The following TEPSIN variants were observed in gnomAD, a reference collection of about 807,000 sequenced individuals.
TEPSIN encodes TEPSIN adaptor related protein complex 4 accessory protein.
Under a neutral mutation model 48.5 loss-of-function variants are expected in TEPSIN, and 50 were observed. That is an observed-to-expected ratio of 1.03 (90% confidence interval 0.82 to 1.31). The LOEUF (loss-of-function observed/expected upper bound fraction) is 1.31, where lower values mean the gene tolerates loss of function less well. Ranked by LOEUF, TEPSIN falls within the 50% of genes most tolerant of loss-of-function variation. The pLI, the probability that TEPSIN is intolerant of heterozygous loss-of-function variation, is 0.00. For missense variants in TEPSIN, 838 were observed against 815.9 expected (o/e 1.03, Z -0.33); for synonymous variants, 392 against 358.8 (o/e 1.09, Z -1.05).
Position 81,230,765 on chromosome 17 carries a change from T to TTCC in TEPSIN, c.1099-90_1099-88dup, listed in dbSNP as rs1203636461. 69 of 1,425,182 alleles carry TTCC rather than the reference T, an allele frequency of 4.8e-5. No homozygotes were observed. The highest frequency in any genetic ancestry group is 6.3e-5 in the Non-Finnish European group (68 of 1,083,516). 88.3% of individuals were successfully genotyped at this position (1,425,182 alleles called of 1,614,324 possible). A position where few individuals can be genotyped will look rare whatever the true frequency, so the allele number is the denominator to read the frequency against. ...TATTTGGCCATCTCTCTCCCTCTTC[T>TTCC]TCCTCCTCATCAATGACTGGAGTGC... On this transcript the variant is annotated intron_variant, in intron 11 of 12. Coordinates refer to ENST00000637944, the MANE Select transcript of TEPSIN (RefSeq NM_001363764.2). This position sits in a 1 kb window ranked among gnomAD's most constrained non-coding sequence, Gnocchi z 4.2.
In TEPSIN at chr17:81,230,814, A is replaced by C; in HGVS notation, c.1099-136T>G. The C allele has an allele frequency of 8.6e-7, 1 of 1,168,530 alleles. No homozygotes were observed. The highest frequency in any genetic ancestry group is 1.2e-6 in the Non-Finnish European group (1 of 861,966). The allele number at this position is 1,168,530 out of a possible 1,614,324, so 72.4% of individuals were successfully genotyped here. On this transcript the variant is annotated intron_variant, in intron 11 of 12. Coordinates refer to ENST00000637944, the MANE Select transcript of TEPSIN (RefSeq NM_001363764.2). This position sits in a 1 kb window ranked among gnomAD's most constrained non-coding sequence, Gnocchi z 4.2. ...GCCAGGAGGCCCCAGAGACAGCTCC[A>C]CCACAGCCCTGTCCTCACCGCCTTA...
At chr17:81,236,840 A>T (rs1204876777) in intron 3 of TEPSIN, 39 bp from the exon 4 acceptor site, 1 of 1,548,916 alleles carries the variant, frequency 6.5e-7, no homozygotes, top group African/African-American at 1.4e-5. Context: ...GGCAGGCCGG[A>T]CACGGGACAC....
intron 11 of TEPSIN, chr17:81,231,080 C>G (rs2062590663): frequency 2.1e-6 from 1 of 471,138 alleles, no homozygotes; most frequent in African/African-American, 2.0e-5. Context: ...CATGTGCATG[C>G]ACACACACAC....
intron 11 of TEPSIN, chr17:81,231,068 T>G: frequency 2.1e-6 from 1 of 478,062 alleles, no homozygotes; most frequent in East Asian, 3.7e-5. Flanking sequence ...TGTCCACACT[T>G]TCATGTGCAT....
In TEPSIN at chr17:81,230,889, C is replaced by T. The variant is rs79143194; in HGVS notation, c.1099-211G>A. 130 of 557,926 alleles carry T rather than the reference C, an allele frequency of 2.3e-4. No homozygotes were observed. In the African/African-American group the frequency reaches 2.7e-3, roughly 12 times the overall value. 34.6% of individuals were successfully genotyped at this position (557,926 alleles called of 1,614,324 possible). ...CCCTGTCCTCACCACCTTACACCCCCGCTCCCAGACACCAGAGCCCTGTCT... is the reference window on the plus strand; with the variant it reads ...CCCTGTCCTCACCACCTTACACCCCTGCTCCCAGACACCAGAGCCCTGTCT... On this transcript the variant is annotated intron_variant, in intron 11 of 12. Coordinates refer to ENST00000637944, the MANE Select transcript of TEPSIN (RefSeq NM_001363764.2). This position sits in a 1 kb window ranked among gnomAD's most constrained non-coding sequence, Gnocchi z 4.2.
chr17:81,231,793 G>A, intron 9 of TEPSIN, 54 bp downstream of exon 9: 1 of 1,607,180 alleles, frequency 6.2e-7, no homozygotes, highest in Admixed American at 1.7e-5. Flanking sequence ...GCTGGGAGGG[G>A]GACAGTGTGG....
chr17:81,231,549 C>A, intron 10 of TEPSIN, 29 bp downstream of exon 10: 1 of 1,602,654 alleles, frequency 6.2e-7, no homozygotes, highest in Non-Finnish European at 8.5e-7. Flanking sequence ...GGGGCTGAGG[C>A]AGAGCAGGGC....
chr17:81,228,969 G>C lies in TEPSIN; in HGVS notation c.1741C>G (p.Pro581Ala). Reference protein sequence around the residue: ...SSQRTAAKEPPGSEPSAFAFL... With the variant: ...SSQRTAAKEPAGSEPSAFAFL... ...GCGAAAGCTGACGGCTCTGAGCCAGGAGGCTCTTTGGCTGCTGTCCTCTGG... is the reference window on the plus strand; with the variant it reads ...GCGAAAGCTGACGGCTCTGAGCCAGCAGGCTCTTTGGCTGCTGTCCTCTGG... Residue 581 changes from proline (P) to alanine (A), a missense_variant, in exon 13 of 13, where the codon CCT becomes GCT. Coordinates refer to ENST00000637944, the MANE Select transcript of TEPSIN (RefSeq NM_001363764.2). 1 of 1,613,862 alleles carries C rather than the reference G, an allele frequency of 6.2e-7. No homozygotes were observed. Among genetic ancestry groups the C allele is most frequent in the Non-Finnish European group, 8.5e-7 (1 of 1,180,018 alleles).
At position 81,232,054 on chromosome 17, in the gene TEPSIN, G is replaced by A. The variant is rs755075972; in HGVS notation, c.731-33C>T. ...AAACAGGACAGCCGGTGAGATCCCT[G>A]GGGCTTCAGGCCAGCCCCATGCCCA... On this transcript the variant is annotated intron_variant, in intron 8 of 12. Transcript: ENST00000637944. 1.5e-5 allele frequency: 24 copies of A among 1,593,456 alleles called. 1 individual carries two copies. The South Asian group carries it at 2.2e-4, about 15-fold the overall frequency.
At chr17:81,232,160 G>C in intron 8 of TEPSIN, 139 bp from the exon 9 acceptor site, 3 of 1,318,730 alleles carry the variant, frequency 2.3e-6, no homozygotes, top group Non-Finnish European at 3.0e-6. Flanking sequence ...TCCAGCTTCA[G>C]CAAACACCAG....
chr17:81,230,756 T>C lies in TEPSIN; in HGVS notation c.1099-78A>G. 3 of 1,433,634 alleles carry C rather than the reference T, an allele frequency of 2.1e-6. No individual in the cohort carries two copies. The highest frequency in any genetic ancestry group is 2.8e-6 in the Non-Finnish European group (3 of 1,088,552). The allele number at this position is 1,433,634 out of a possible 1,614,324, so 88.8% of individuals were successfully genotyped here. On this transcript the variant is annotated intron_variant, in intron 11 of 12. Transcript: ENST00000637944. This position sits in a 1 kb window ranked among gnomAD's most constrained non-coding sequence, Gnocchi z 4.2. ...AGGGAGGCCTATTTGGCCATCTCTC[T>C]CCCTCTTCTTCCTCCTCATCAATGA...
chr17:81,233,890 C>CTTTG lies in TEPSIN; in HGVS notation c.375+90_375+91insCAAA. ...GAGGCAGGGGTCCCGGATGGGAGAA[C>CTTTG]TGCAAACCCCCCAGCTGACATCCTG... is the stretch of plus-strand genomic sequence containing the variant. On this transcript the variant is annotated intron_variant, in intron 5 of 12. Coordinates refer to ENST00000637944, the MANE Select transcript of TEPSIN (RefSeq NM_001363764.2). This position sits in a 1 kb window ranked among gnomAD's most constrained non-coding sequence, Gnocchi z 5.8. The CTTTG allele has an allele frequency of 6.9e-7, 1 of 1,449,448 alleles. No individual in the cohort carries two copies. Among genetic ancestry groups the CTTTG allele is most frequent in the East Asian group, 2.5e-5 (1 of 40,638 alleles). 89.8% of individuals were successfully genotyped at this position (1,449,448 alleles called of 1,614,324 possible). A position where few individuals can be genotyped will look rare whatever the true frequency, so the allele number is the denominator to read the frequency against.
intron 4 of TEPSIN, among the ~76,000 whole-genome samples, chr17:81,236,112 C>T (rs1752589373): frequency 6.6e-6 from 1 of 152,226 alleles, no homozygotes; most frequent in Admixed American, 6.5e-5. Context: ...CAGGCCAAGC[C>T]CCCACAAGTC....
chr17:81,232,167 C>T, intron 8 of TEPSIN, 146 bp from the exon 9 acceptor site: 1 of 1,318,158 alleles, frequency 7.6e-7, no homozygotes, highest in South Asian at 1.5e-5. Flanking sequence ...TCAGCAAACA[C>T]CAGCCCCATG....
chr17:81,231,139 ACAG>A (rs745881260), intron 11 of TEPSIN: 140 of 566,696 alleles, frequency 2.5e-4, no homozygotes, highest in African/African-American at 4.3e-4. Flanking sequence ...ACACACACAC[ACAG>A]ATGTGTGCAT....
chr17:81,229,256 G>GGGGGGAAGGGGGGGGGGC lies in TEPSIN; in HGVS notation c.1453_1454insGCCCCCCCCCCTTCCCCC (p.Thr485delinsSerProProProPheProPro). On this transcript the variant is annotated protein_altering_variant, in exon 13 of 13. Transcript: ENST00000637944. ...AATGGGGGAGGCATCTGGGGGTGGG[G>GGGGGGAAGGGGGGGGGGC]TGGGCACAGGGCTGGACGGCATCCC... 6.4e-7 allele frequency: 1 copy of GGGGGGAAGGGGGGGGGGC among 1,566,948 alleles called. No homozygotes were observed. Among genetic ancestry groups the GGGGGGAAGGGGGGGGGGC allele is most frequent in the Non-Finnish European group, 8.6e-7 (1 of 1,157,380 alleles).
chr17:81,231,701 G>A lies in TEPSIN; in HGVS notation c.906-10C>T, dbSNP rs200620957. On this transcript the variant is annotated splice_polypyrimidine_tract_variant and intron_variant, in intron 9 of 12. Transcript: ENST00000637944. ...GGCCACCACCTCGACCCTGCCAGGG[G>A]GAATGGCCGGGTCAAGGGTGAGTGG... 1.2e-5 allele frequency: 19 copies of A among 1,610,460 alleles called. No individual in the cohort carries two copies. The Admixed American group carries it at 3.2e-4, about 27-fold the overall frequency.
In TEPSIN at chr17:81,231,849, T is replaced by C. The variant is rs1199613496; in HGVS notation, c.903A>G (p.Glu301=). Residue 301 remains glutamate, a splice_region_variant and synonymous_variant, in exon 9 of 13, where the codon GAA becomes GAG. Coordinates refer to ENST00000637944, the MANE Select transcript of TEPSIN (RefSeq NM_001363764.2). ...GASREPGDLA[E]RVEVVALSDC... ...CATATCTGGCAGCTCCCGCTCACCTTTCTGCCAGGTCACCCGGCTCCCGGC... is the reference window on the plus strand; with the variant it reads ...CATATCTGGCAGCTCCCGCTCACCTCTCTGCCAGGTCACCCGGCTCCCGGC... 1 of 1,613,116 alleles carries C rather than the reference T, an allele frequency of 6.2e-7. No homozygotes were observed. The highest frequency in any genetic ancestry group is 1.7e-5 in the Admixed American group (1 of 60,014).
rs61116961 is a variant in TEPSIN, at chr17:81,234,258, C to T, written c.308-210G>A. The T allele has an allele frequency of 1.1e-5, 5 of 440,424 alleles. No individual in the cohort carries two copies. The highest frequency in any genetic ancestry group is 5.3e-5 in the South Asian group (1 of 18,892). 27.3% of individuals were successfully genotyped at this position (440,424 alleles called of 1,614,324 possible). ...CCCCCTCACCCATGCCCCACAGAGG[C>T]GAGACTCTCTCCACAGCAACCACCT... On this transcript the variant is annotated intron_variant, in intron 4 of 12. Transcript: ENST00000637944. The surrounding 1 kb of genome is among the most constrained non-coding windows in gnomAD (Gnocchi z 5.4).
Sources: gnomAD v4.1 joint callset for allele counts (sites outside exome capture counted in the v4.1 genomes callset) on GRCh38, gnomAD v4.1.1 for gene constraint, Gnocchi (gnomAD v3.1) non-coding constraint, MANE v1.5 for transcripts, NCBI Gene and HGNC (gene_info 2026-07-23, HGNC 2026-07-21) for gene names.